CD44: variants seen among roughly 807,000 people sequenced by gnomAD.
The protein encoded by CD44 is CD44 molecule (IN blood group), also known as CD44 antigen.
In CD44, 49 loss-of-function variants were observed where a neutral mutation model predicts 88.8. The ratio of observed to expected loss-of-function variants is 0.55; its 90% CI spans 0.44 to 0.70. The LOEUF (loss-of-function observed/expected upper bound fraction) is 0.70, where lower values mean the gene tolerates loss of function less well. CD44 is among the 30% of genes least tolerant of loss of function. The pLI is 0.00. For missense variants in CD44, 883 were observed against 913.8 expected (o/e 0.97, Z 0.43); for synonymous variants, 325 against 312.3 (o/e 1.04, Z -0.43).
chr11:35,161,577 T>A (rs571613210), intron 1 of CD44, among the ~76,000 whole-genome samples: 1 of 152,292 alleles, frequency 6.6e-6, no homozygotes, highest in South Asian at 2.1e-4. Flanking sequence ...GCGCTGTAAG[T>A]CTCTGATTGG....
chr11:35,214,886 C>A lies in CD44; in HGVS notation c.1845C>A (p.Ser615=). 2 of 1,562,738 alleles carry A rather than the reference C, an allele frequency of 1.3e-6. No homozygotes were observed. The highest frequency in any genetic ancestry group is 1.4e-5 in the African/African-American group (1 of 72,960). Reference sequence around the variant, plus strand: ...ACACATTCCACCCCAGTGGGGGGTCCCATACCACTCATGGATCTGAATCAG... The same window carrying A: ...ACACATTCCACCCCAGTGGGGGGTCACATACCACTCATGGATCTGAATCAG... ...DQDTFHPSGG[S]HTTHGSESDG... Residue 615 remains serine (S), a synonymous_variant, in exon 15 of 18, where the codon TCC becomes TCA. Transcript: ENST00000428726.
chr11:35,186,148 GA>G (rs1945656605), intron 3 of CD44, among the ~76,000 whole-genome samples: 2 of 152,178 alleles, frequency 1.3e-5, no homozygotes, highest in South Asian at 4.1e-4. Flanking sequence ...GTCAACCTCA[GA>G]AGCAACATGC....
At chr11:35,168,658 T>A (rs1327268286) in intron 1 of CD44, among the ~76,000 whole-genome samples, 1 of 152,226 alleles carries the variant, frequency 6.6e-6, no homozygotes, top group Non-Finnish European at 1.5e-5. Flanking sequence ...CCTGAGGAGA[T>A]GACAAATAGG....
chr11:35,150,055 C>T (rs573948317), intron 1 of CD44, among the ~76,000 whole-genome samples: 1 of 117,250 alleles, frequency 8.5e-6, no homozygotes, highest in South Asian at 2.7e-4. Flanking sequence ...ACACTGTACT[C>T]TTTATATTGT....
intron 3 of CD44, among the ~76,000 whole-genome samples, chr11:35,181,905 T>TTATATATTATATATA (rs1565080534): frequency 1.2e-4 from 8 of 66,104 alleles, no homozygotes; most frequent in African/African-American, 4.7e-4. Flanking sequence ...ATATAATATA[T>TTATATATTATATATA]AATATATATT....
intron 15 of CD44, among the ~76,000 whole-genome samples, chr11:35,215,287 G>C (rs1181509273): frequency 6.6e-6 from 1 of 152,216 alleles, no homozygotes; most frequent in Non-Finnish European, 1.5e-5. Flanking sequence ...TTAAGAGCTT[G>C]AGCTTTGTAG....
chr11:35,193,222 A>G (rs903507946), intron 5 of CD44, among the ~76,000 whole-genome samples: 4 of 152,216 alleles, frequency 2.6e-5, no homozygotes, highest in African/African-American at 7.2e-5. Context: ...CACATAAAAT[A>G]CACTAACACT....
At chr11:35,211,216 G>A (rs747786657) in intron 13 of CD44, 30 bp from the exon 14 acceptor site, 9 of 1,551,450 alleles carry the variant, frequency 5.8e-6, no homozygotes, top group Admixed American at 5.0e-5. Context: ...TTACAAATAC[G>A]GGTTCATCAC....
intron 15 of CD44, among the ~76,000 whole-genome samples, chr11:35,217,931 T>A (rs937277010): frequency 3.3e-5 from 5 of 152,066 alleles, no homozygotes; most frequent in Non-Finnish European, 7.4e-5. Flanking sequence ...GTTTCTTTTT[T>A]AAAAAAATTG....
chr11:35,198,986 T>C (rs1328280932), intron 7 of CD44, among the ~76,000 whole-genome samples: 1 of 140,596 alleles, frequency 7.1e-6, no homozygotes, highest in Non-Finnish European at 1.6e-5. Context: ...AAAAAAAAAG[T>C]TGTGGAAGTT....
chr11:35,220,679 A>G (rs1226135176), intron 16 of CD44, among the ~76,000 whole-genome samples: 1 of 152,170 alleles, frequency 6.6e-6, no homozygotes, highest in Admixed American at 6.5e-5. Context: ...GAAAAAATAC[A>G]ACTAAATAAA....
At chr11:35,147,745 C>T (rs113848775) in intron 1 of CD44, among the ~76,000 whole-genome samples, 11 of 152,154 alleles carry the variant, frequency 7.2e-5, no homozygotes, top group African/African-American at 1.9e-4. Flanking sequence ...GATAGTAGCA[C>T]GATAACAGTA....
chr11:35,146,455 G>A (rs145527155), intron 1 of CD44, among the ~76,000 whole-genome samples: 33 of 152,298 alleles, frequency 2.2e-4, no homozygotes, highest in African/African-American at 7.9e-4. Context: ...ATGTTTCTGA[G>A]AACCCTCACC....
chr11:35,152,531 C>T (rs1182465581), intron 1 of CD44, among the ~76,000 whole-genome samples: 1 of 152,196 alleles, frequency 6.6e-6, no homozygotes, highest in Non-Finnish European at 1.5e-5. Flanking sequence ...CTCTGCCTCC[C>T]CTAGACCTCT....
chr11:35,164,837 A>G (rs1943083867), intron 1 of CD44, among the ~76,000 whole-genome samples: 1 of 152,228 alleles, frequency 6.6e-6, no homozygotes, highest in Non-Finnish European at 1.5e-5. Flanking sequence ...AATATATTTC[A>G]TTTGGGCTGC....
In CD44 at chr11:35,186,839, T is replaced by G; in HGVS notation, c.375T>G (p.Pro125=). The stretch of plus-strand genomic sequence containing the variant: ...TTTTTTCCTACCTCATAGCTCCACC[T>G]GAAGAAGATTGTACATCAGTCACAG... ...DTYCFNASAP[P]EEDCTSVTDL... is the part of the protein sequence containing the mutation. The change falls in exon 4 of 18, where the codon CCT becomes CCG. Residue 125 remains proline, a synonymous_variant. Transcript: ENST00000428726. 6.2e-7 allele frequency: 1 copy of G among 1,602,222 alleles called. No individual in the cohort carries two copies. The highest frequency in any genetic ancestry group is 2.2e-5 in the East Asian group (1 of 44,816).
chr11:35,178,300 C>G (rs1346813364), intron 2 of CD44, among the ~76,000 whole-genome samples: 2 of 152,194 alleles, frequency 1.3e-5, no homozygotes, highest in Non-Finnish European at 2.9e-5. Context: ...CTGCCACTGG[C>G]CAATCATCAA....
intron 1 of CD44, among the ~76,000 whole-genome samples, chr11:35,154,812 T>A (rs1162513002): frequency 6.6e-6 from 1 of 152,210 alleles, no homozygotes; most frequent in Non-Finnish European, 1.5e-5. Context: ...ACCAGCTGAA[T>A]ATTTCTGTAA....
chr11:35,220,379 C>T (rs867610227), intron 16 of CD44, among the ~76,000 whole-genome samples: 1 of 152,176 alleles, frequency 6.6e-6, no homozygotes, highest in Admixed American at 6.5e-5. Flanking sequence ...CAGTCTCCCC[C>T]ACTTCTGACT....
Sources: gnomAD v4.1 joint callset for allele counts (sites outside exome capture counted in the v4.1 genomes callset) on GRCh38, gnomAD v4.1.1 for gene constraint, MANE v1.5 for transcripts, NCBI Gene and HGNC (gene_info 2026-07-23, HGNC 2026-07-21) for gene names.